The following ZNF735 variants were observed in gnomAD, a reference collection of about 807,000 sequenced individuals.
The protein encoded by ZNF735 is putative zinc finger protein 735.
ZNF735 carries 11 observed loss-of-function variants against 13.4 expected under a neutral mutation model. The ratio of observed to expected loss-of-function variants is 0.82; its 90% CI spans 0.52 to 1.36. The LOEUF (loss-of-function observed/expected upper bound fraction) is 1.36. Among genes scored for constraint, ZNF735 ranks in the 40% most tolerant of loss-of-function variants. The pLI is 0.00. For synonymous variants in ZNF735, 171 were observed against 162.6 expected (o/e 1.05, Z -0.39); for missense variants, 500 against 484.6 (o/e 1.03, Z -0.30).
chr7:64,210,657 C>T (rs1309788631), intron 1 of ZNF735, among the ~76,000 whole-genome samples: 6 of 152,148 alleles, frequency 3.9e-5, no homozygotes, highest in Non-Finnish European at 8.8e-5. Context: ...TTCGTGCTCC[C>T]ATTACTGTAA....
chr7:64,214,251 T>A (rs1787393959), intron 3 of ZNF735, 143 bp downstream of exon 3: 3 of 936,596 alleles, frequency 3.2e-6, no homozygotes, highest in Admixed American at 3.2e-5. Flanking sequence ...ATTTTTTATT[T>A]TTTTTATTTT....
At chr7:64,219,888 G>C (rs1584216999) in exon 4 of ZNF735, 2 of 1,610,276 alleles carry the variant, frequency 1.2e-6, no homozygotes, top group South Asian at 1.1e-5. Context: ...AAGCCTTTAG[G>C]CGCTCCTCAA....
At chr7:64,219,358 A>G (rs1190409366) in exon 4 of ZNF735, 2 of 1,613,872 alleles carry the variant, frequency 1.2e-6, no homozygotes, top group Non-Finnish European at 1.7e-6. Flanking sequence ...AGAGCAGAGC[A>G]TAAAAGATTC....
chr7:64,216,979 C>T (rs574638528), intron 3 of ZNF735, among the ~76,000 whole-genome samples: 92 of 152,194 alleles, frequency 6.0e-4, no homozygotes, highest in Non-Finnish European at 1.0e-3. Flanking sequence ...ATTGTGTATC[C>T]ACTTGCTTTT....
intron 3 of ZNF735, among the ~76,000 whole-genome samples, chr7:64,217,714 A>T (rs2116487867): frequency 6.6e-6 from 1 of 151,610 alleles, no homozygotes; most frequent in Admixed American, 6.6e-5. Context: ...CTAGTAATGG[A>T]CTCATTTTCT....
chr7:64,219,871 T>C (rs1489958546), exon 4 of ZNF735: 2 of 1,613,820 alleles, frequency 1.2e-6, no homozygotes, highest in African/African-American at 2.7e-5. Context: ...ATGTGAAGAA[T>C]GTGGCCAAGC....
chr7:64,219,253 T>G, intron 3 of ZNF735, 61 bp from the exon 4 acceptor site: 1 of 1,552,268 alleles, frequency 6.4e-7, no homozygotes, highest in Non-Finnish European at 8.6e-7. Flanking sequence ...ATATTTGATT[T>G]GTACAGTATA....
At chr7:64,212,979 T>G in intron 1 of ZNF735, 113 bp from the exon 2 acceptor site, 1 of 1,135,618 alleles carries the variant, frequency 8.8e-7, no homozygotes, top group Non-Finnish European at 1.3e-6. Flanking sequence ...GTCACTCTTG[T>G]AAGTGAGAAA....
intron 3 of ZNF735, 26 bp from the exon 4 acceptor site, chr7:64,219,288 T>C: frequency 6.2e-7 from 1 of 1,601,646 alleles, no homozygotes; most frequent in East Asian, 2.2e-5. Flanking sequence ...GTAAGTGGAG[T>C]AACTTGTGAT....
exon 4 of ZNF735, chr7:64,219,827 A>G (rs1262518169): frequency 2.5e-6 from 4 of 1,613,502 alleles, no homozygotes; most frequent in East Asian, 2.2e-5. Flanking sequence ...CTTACTAGAC[A>G]TAAGAGAATT....
intron 1 of ZNF735, among the ~76,000 whole-genome samples, chr7:64,211,704 A>G (rs1202162928): frequency 1.3e-5 from 2 of 151,742 alleles, no homozygotes; most frequent in Non-Finnish European, 2.9e-5. Flanking sequence ...TCTCTACTAA[A>G]AAAATACAAA....
exon 4 of ZNF735, chr7:64,219,568 A>C: frequency 6.3e-7 from 1 of 1,582,544 alleles, no homozygotes; most frequent in Non-Finnish European, 8.6e-7. Context: ...TTCAAATTCC[A>C]ATAGACACAA....
Position 64,213,997 on chromosome 7 carries a change from T to G in ZNF735, c.167-16T>G, listed in dbSNP as rs1787390524. 5 of 1,572,562 alleles carry G rather than the reference T, an allele frequency of 3.2e-6. No individual in the cohort carries two copies. The African/African-American group carries it at 5.5e-5, about 17-fold the overall frequency. Reference sequence around the variant, plus strand: ...ATAAATAAGATTTAAGTTACTTTTTTTTCTTAATAAAACAGGTATGACTGT... The same window carrying G: ...ATAAATAAGATTTAAGTTACTTTTTGTTCTTAATAAAACAGGTATGACTGT... On this transcript the variant is annotated splice_polypyrimidine_tract_variant and intron_variant, in intron 2 of 3. Transcript: ENST00000429565.
At chr7:64,207,942 G>C (rs542938933) in intron 1 of ZNF735, among the ~76,000 whole-genome samples, 1 of 151,754 alleles carries the variant, frequency 6.6e-6, no homozygotes, top group Admixed American at 6.6e-5. Flanking sequence ...AGCCGAGATC[G>C]CGCCATTGTA....
intron 1 of ZNF735, among the ~76,000 whole-genome samples, chr7:64,209,304 A>T (rs1584212393): frequency 2.3e-5 from 3 of 131,696 alleles, no homozygotes; most frequent in African/African-American, 2.8e-5. Flanking sequence ...CTAGTGTTTT[A>T]TCTATCTTAT....
At chr7:64,218,522 A>C (rs116883618) in intron 3 of ZNF735, among the ~76,000 whole-genome samples, 5,924 of 150,534 alleles carry the variant, frequency 0.039, 184 homozygotes, top group East Asian at 0.16. Flanking sequence ...TATTCCAACC[A>C]TTTTGTTGAC....
intron 3 of ZNF735, among the ~76,000 whole-genome samples, chr7:64,216,040 A>G (rs1386891695): frequency 6.6e-6 from 1 of 152,134 alleles, no homozygotes; most frequent in Non-Finnish European, 1.5e-5. Flanking sequence ...TCACACCTGT[A>G]ATCCCAGCAC....
At chr7:64,213,983 T>C in intron 2 of ZNF735, 30 bp from the exon 3 acceptor site, 1 of 1,546,918 alleles carries the variant, frequency 6.5e-7, no homozygotes, top group Non-Finnish European at 8.7e-7. Flanking sequence ...TAAATAAGAT[T>C]TAAGTTACTT....
At chr7:64,214,162 G>C (rs4718036) in intron 3 of ZNF735, 54 bp downstream of exon 3, 457,230 of 1,561,140 alleles carry the variant, frequency 0.29, 67,351 homozygotes, top group South Asian at 0.33. Context: ...ACAAGTCAAG[G>C]AGGTAGCCAG....
Sources: allele counts gnomAD v4.1 joint callset (sites outside exome capture counted in the v4.1 genomes callset), GRCh38; gene constraint gnomAD v4.1.1; transcripts MANE v1.5; gene names NCBI Gene and HGNC (gene_info 2026-07-23, HGNC 2026-07-21).